The following MYO1E variants were observed in gnomAD, a reference collection of about 807,000 sequenced individuals.
MYO1E encodes the protein myosin IE.
In MYO1E, 68 loss-of-function variants were observed where a neutral mutation model predicts 151.1. The ratio of observed to expected loss-of-function variants is 0.45; its 90% CI spans 0.37 to 0.55. MYO1E has a LOEUF of 0.55. Ranked by LOEUF, MYO1E falls within the 20% of genes least tolerant of loss-of-function variation. MYO1E has a pLI of 0.00. For missense variants in MYO1E, 1,363 were observed against 1,389.3 expected (o/e 0.98, Z 0.30); for synonymous variants, 601 against 501.7 (o/e 1.20, Z -2.64).
At chr15:59,334,688 G>T (rs1174935522) in intron 1 of MYO1E, among the ~76,000 whole-genome samples, 1 of 152,144 alleles carries the variant, frequency 6.6e-6, no homozygotes, top group African/African-American at 2.4e-5. Flanking sequence ...TTAAGTCTCT[G>T]AAAGACGATT....
intron 10 of MYO1E, among the ~76,000 whole-genome samples, chr15:59,216,369 G>T (rs969776266): frequency 6.6e-5 from 10 of 151,784 alleles, no homozygotes; most frequent in Non-Finnish European, 1.5e-4. Context: ...AGAATTAAGT[G>T]AGGGTTTTTT....
chr15:59,339,856 T>TG (rs1489926889), intron 1 of MYO1E, among the ~76,000 whole-genome samples: 1 of 149,460 alleles, frequency 6.7e-6, no homozygotes, highest in African/African-American at 2.5e-5. Context: ...TTTTTTTGTT[T>TG]TTTTTTTTTT....
Position 59,151,560 on chromosome 15 carries a change from G to A in MYO1E, c.3080+2030C>T, listed in dbSNP as rs542619411. On this transcript the variant is annotated intron_variant, in intron 26 of 27. Transcript: ENST00000288235. ...AGAGAACATGGTAAAGCTCTTAAGA[G>A]CTCTGTGGTCTTTAGAAGGAAGCTG... Among the ~76,000 whole-genome samples the A allele has an allele frequency of 1.3e-3, 195 of 152,338 alleles. 1 individual carries two copies. The highest frequency in any genetic ancestry group is 8.4e-4 in the Non-Finnish European group (57 of 68,036).
chr15:59,207,486 G>T, intron 14 of MYO1E: 1 of 1,614,046 alleles, frequency 6.2e-7, no homozygotes, highest in Non-Finnish European at 8.5e-7. Flanking sequence ...ACTGCAAACT[G>T]ATTATTGTTT....
At chr15:59,250,764 A>C (rs2140367108) in intron 4 of MYO1E, among the ~76,000 whole-genome samples, 1 of 152,274 alleles carries the variant, frequency 6.6e-6, no homozygotes, top group Admixed American at 6.5e-5. Context: ...AACTCCAGGT[A>C]GCTCCTAAAT....
At chr15:59,142,972 G>A (rs1241232500) in intron 26 of MYO1E, among the ~76,000 whole-genome samples, 3 of 146,038 alleles carry the variant, frequency 2.1e-5, no homozygotes, top group Non-Finnish European at 4.5e-5. Context: ...ACTAGAGATC[G>A]TAAGTCTCAT....
At chr15:59,243,715 C>T (rs1248610644) in intron 4 of MYO1E, among the ~76,000 whole-genome samples, 1 of 152,168 alleles carries the variant, frequency 6.6e-6, no homozygotes, top group Non-Finnish European at 1.5e-5. Flanking sequence ...TTTACTGATA[C>T]ACACCCATTT....
chr15:59,368,780 T>TAG (rs1296351351), intron 1 of MYO1E, among the ~76,000 whole-genome samples: 1 of 152,154 alleles, frequency 6.6e-6, no homozygotes, highest in Non-Finnish European at 1.5e-5. Context: ...GACAAGACTG[T>TAG]AGTCCTCAGC....
chr15:59,195,364 G>A (rs370558459), intron 17 of MYO1E, 97 bp downstream of exon 17: 73 of 1,076,252 alleles, frequency 6.8e-5, no homozygotes, highest in Admixed American at 3.1e-4. Context: ...AGACATGTGC[G>A]GACAACTGAC....
At position 59,372,616 on chromosome 15, in the gene MYO1E, C is replaced by A. The variant is rs2080954804; in HGVS notation, c.-116G>T. ...GGTTCCCCTCGCCAAAAACAGGCTC[C>A]CGACACCCAAGCACTCACAGGAGCC... On this transcript the variant is annotated 5_prime_UTR_variant, in exon 1 of 28. Transcript: ENST00000288235. 2 of 1,353,336 alleles carry A rather than the reference C, an allele frequency of 1.5e-6. No homozygotes were observed. Among genetic ancestry groups the A allele is most frequent in the East Asian group, 2.6e-5 (1 of 38,798 alleles). The allele number at this position is 1,353,336 out of a possible 1,614,324, so 83.8% of individuals were successfully genotyped here.
intron 16 of MYO1E, among the ~76,000 whole-genome samples, chr15:59,200,825 CT>C (rs2079796896): frequency 6.6e-6 from 1 of 152,084 alleles, no homozygotes; most frequent in African/African-American, 2.4e-5. Context: ...AAGATAGACT[CT>C]TAAGATAGAC....
chr15:59,261,999 C>T (rs1188491251), intron 2 of MYO1E, among the ~76,000 whole-genome samples: 1 of 151,850 alleles, frequency 6.6e-6, no homozygotes, highest in Non-Finnish European at 1.5e-5. Flanking sequence ...GTCAGGAGCT[C>T]GAGACTAGCC....
In MYO1E at chr15:59,350,964, T is replaced by G. The variant is rs2080820024; in HGVS notation, c.3+21534A>C. On this transcript the variant is annotated intron_variant, in intron 1 of 27. Coordinates refer to ENST00000288235, the MANE Select transcript of MYO1E (RefSeq NM_004998.4). The surrounding 1 kb of genome is among the most constrained non-coding windows in gnomAD (Gnocchi z 5.0). ...CAGGCTGGCGTGCAGTGGCGCGATCTCGGCTCAATGCAAGCTCCGCCTCCC... is the reference window on the plus strand; with the variant it reads ...CAGGCTGGCGTGCAGTGGCGCGATCGCGGCTCAATGCAAGCTCCGCCTCCC... 6.6e-6 allele frequency among the ~76,000 whole-genome samples: 1 copy of G among 152,372 alleles called. No homozygotes were observed. The highest frequency in any genetic ancestry group is 1.9e-4 in the East Asian group (1 of 5,192).
chr15:59,299,776 ACT>A (rs1477144788), intron 1 of MYO1E, among the ~76,000 whole-genome samples: 7 of 152,108 alleles, frequency 4.6e-5, no homozygotes, highest in Non-Finnish European at 1.0e-4. Flanking sequence ...ATTTAAAGAA[ACT>A]CTGTAGTTTC....
At chr15:59,282,819 G>A (rs558530601) in intron 1 of MYO1E, among the ~76,000 whole-genome samples, 35 of 136,254 alleles carry the variant, frequency 2.6e-4, no homozygotes, top group African/African-American at 9.1e-4. Flanking sequence ...CTGCACTACA[G>A]CCTGCGTAAC....
At chr15:59,141,797 C>CAAAA (rs753344067) in intron 26 of MYO1E, among the ~76,000 whole-genome samples, 36 of 44,920 alleles carry the variant, frequency 8.0e-4, no homozygotes, top group Non-Finnish European at 1.1e-3. Context: ...GACTTTGTCT[C>CAAAA]AAAAAAAAAA....
At chr15:59,338,480 C>T (rs1335837596) in intron 1 of MYO1E, among the ~76,000 whole-genome samples, 1 of 152,128 alleles carries the variant, frequency 6.6e-6, no homozygotes, top group Non-Finnish European at 1.5e-5. Context: ...AATGTTTCCT[C>T]TCTGGTTTTA....
intron 1 of MYO1E, among the ~76,000 whole-genome samples, chr15:59,352,651 A>G (rs2080829758): frequency 6.6e-6 from 1 of 152,188 alleles, no homozygotes; most frequent in Non-Finnish European, 1.5e-5. Context: ...AAATACTAAT[A>G]TGTACTTTAA....
At chr15:59,181,685 A>C (rs1317941916) in intron 18 of MYO1E, among the ~76,000 whole-genome samples, 4 of 152,232 alleles carry the variant, frequency 2.6e-5, no homozygotes, top group African/African-American at 9.6e-5. Flanking sequence ...AAACACACAG[A>C]ATATTTCCTA....
Sources: gnomAD v4.1 joint callset for allele counts (sites outside exome capture counted in the v4.1 genomes callset) on GRCh38, gnomAD v4.1.1 for gene constraint, Gnocchi (gnomAD v3.1) non-coding constraint, MANE v1.5 for transcripts, NCBI Gene and HGNC (gene_info 2026-07-23, HGNC 2026-07-21) for gene names.